The following ESR2 variants were observed in gnomAD, a reference collection of about 807,000 sequenced individuals.
The protein encoded by ESR2 is estrogen receptor 2, also known as estrogen receptor beta.
In ESR2, 36 loss-of-function variants were observed where a neutral mutation model predicts 49.6. The ratio of observed to expected loss-of-function variants is 0.73; its 90% CI spans 0.56 to 0.96. ESR2 has a LOEUF of 0.96. Ranked by LOEUF, ESR2 falls within the 40% of genes least tolerant of loss-of-function variation. ESR2 has a pLI of 0.00. For synonymous variants in ESR2, 320 were observed against 266.1 expected (o/e 1.20, Z -1.97); for missense variants, 714 against 693.0 (o/e 1.03, Z -0.34).
At position 64,229,265 on chromosome 14, in the gene ESR2, G is replaced by A. The variant is rs199734914; in HGVS notation, c.*3872C>T. Among the ~76,000 whole-genome samples, 4 of 152,202 alleles carry A rather than the reference G, an allele frequency of 2.6e-5. No homozygotes were observed. Among genetic ancestry groups the A allele is most frequent in the East Asian group, 1.9e-4 (1 of 5,172 alleles). ...CTTCACCGCCCCTCCATTCTGCTGC[G>A]ACTCAGCTCACAAAGCAGATTCTCA... On this transcript the variant is annotated 3_prime_UTR_variant, in exon 9 of 9. Transcript: ENST00000341099.
At chr14:64,279,592 C>G (rs1282098240) in intron 3 of ESR2, among the ~76,000 whole-genome samples, 1 of 152,194 alleles carries the variant, frequency 6.6e-6, no homozygotes, top group Admixed American at 6.5e-5. Context: ...TCCTCAGGAG[C>G]CAGCCCACCA....
chr14:64,253,872 G>A (rs543416727), intron 6 of ESR2, among the ~76,000 whole-genome samples: 1 of 152,218 alleles, frequency 6.6e-6, no homozygotes. Context: ...AACTTCCTCT[G>A]ACTAATAATT....
intron 1 of ESR2, among the ~76,000 whole-genome samples, chr14:64,328,709 G>A (rs2077418789): frequency 6.6e-6 from 1 of 152,202 alleles, no homozygotes; most frequent in African/African-American, 2.4e-5. Flanking sequence ...TTTTGGATGA[G>A]GGCCTCAGGA....
Position 64,260,617 on chromosome 14 carries a change from C to T in ESR2, c.784G>A (p.Ala262Thr). The change falls in exon 5 of 9, where the codon GCC becomes ACC. Residue 262 changes from alanine (A) to threonine (T), a missense_variant. Ala to Thr is a moderately conservative substitution (Grantham distance 58). Transcript: ENST00000341099. ...AGCACTAGCTGCTCGGGGCTCAGGG[C>T]GTCCAGCAGCAGCTCCCGCACTCGG... ...APRVRELLLD[A>T]LSPEQLVLTL... is the part of the protein sequence containing the mutation. The T allele has an allele frequency of 6.2e-7, 1 of 1,610,546 alleles. No homozygotes were observed. The highest frequency in any genetic ancestry group is 8.5e-7 in the Non-Finnish European group (1 of 1,178,122).
At chr14:64,311,895 G>A (rs1214773288) in intron 1 of ESR2, among the ~76,000 whole-genome samples, 6 of 152,022 alleles carry the variant, frequency 3.9e-5, no homozygotes, top group Admixed American at 6.6e-5. Flanking sequence ...TAAAAATGAA[G>A]GAATCTTGGA....
chr14:64,227,934 A>G (rs775564007), downstream of ESR2: 1 of 1,596,960 alleles, frequency 6.3e-7, no homozygotes, highest in Non-Finnish European at 8.5e-7. Context: ...CCCCATCTGT[A>G]AAGGATATAA....
At chr14:64,268,571 A>G (rs1044811411) in intron 4 of ESR2, among the ~76,000 whole-genome samples, 2 of 152,178 alleles carry the variant, frequency 1.3e-5, no homozygotes, top group East Asian at 1.9e-4. Flanking sequence ...GCTCTTCTCT[A>G]CCTGGGGCCA....
intron 7 of ESR2, among the ~76,000 whole-genome samples, chr14:64,242,444 CA>C (rs146972114): frequency 0.096 from 11,693 of 121,424 alleles, 537 homozygotes; most frequent in African/African-American, 0.14. Context: ...AACAAACAAA[CA>C]AAAAAAATAT....
intron 5 of ESR2, 103 bp downstream of exon 5, chr14:64,260,346 C>T: frequency 7.0e-6 from 8 of 1,139,794 alleles, no homozygotes; most frequent in Non-Finnish European, 1.1e-5. Flanking sequence ...TGTTAAATAT[C>T]TAGGCACAGC....
In ESR2 at chr14:64,289,037, A is replaced by G. The variant is rs148197980; in HGVS notation, c.-91+4996T>C. ...GCCACCATCAAGCCTGTTCTTATGTATATTCTATCAATGGATAGAGCAGAA... is the reference window on the plus strand; with the variant it reads ...GCCACCATCAAGCCTGTTCTTATGTGTATTCTATCAATGGATAGAGCAGAA... On this transcript the variant is annotated intron_variant, in intron 1 of 8. Transcript: ENST00000341099. Among the ~76,000 whole-genome samples, 347 of 151,618 alleles carry G rather than the reference A, an allele frequency of 2.3e-3. 5 individuals carry two copies. The highest frequency in any genetic ancestry group is 3.4e-3 in the Middle Eastern group (1 of 290).
chr14:64,236,543 C>CAG (rs996066111), intron 7 of ESR2, among the ~76,000 whole-genome samples: 37 of 152,262 alleles, frequency 2.4e-4, no homozygotes, highest in African/African-American at 8.2e-4. Context: ...GTGCAGCTAT[C>CAG]AGAGGTACCA....
intron 1 of ESR2, among the ~76,000 whole-genome samples, chr14:64,314,412 T>A: frequency 1.5e-5 from 2 of 131,310 alleles, no homozygotes; most frequent in African/African-American, 5.8e-5. Flanking sequence ...AGAGGGAAGA[T>A]CTCAAATTAA....
At chr14:64,227,352 T>A (rs1015888488), downstream of ESR2, 6 of 674,414 alleles carry the variant, frequency 8.9e-6, no homozygotes, top group Admixed American at 1.8e-4. Flanking sequence ...GCGTTTACAG[T>A]TATCAAATTG....
chr14:64,280,075 G>T lies in ESR2; in HGVS notation c.441C>A (p.His147Gln). The change falls in exon 3 of 9, where the codon CAC (histidine) becomes CAA (glutamine). Residue 147 changes from histidine (H) to glutamine (Q), a missense_variant. Coordinates refer to ENST00000341099, the MANE Select transcript of ESR2 (RefSeq NM_001437.3). The stretch of plus-strand genomic sequence containing the variant: ...CGTAATCGCTGCAGACAGCGCAGAA[G>T]TGAGCATCCCTCTTTGAACCTGGAC... ...VTGPGSKRDAHFCAVCSDYAS... is the reference protein window; with the variant it reads ...VTGPGSKRDAQFCAVCSDYAS... The T allele has an allele frequency of 6.2e-7, 1 of 1,614,136 alleles. No homozygotes were observed. Among genetic ancestry groups the T allele is most frequent in the Non-Finnish European group, 8.5e-7 (1 of 1,179,948 alleles).
intron 7 of ESR2, among the ~76,000 whole-genome samples, chr14:64,242,405 C>CA (rs34136916): frequency 0.021 from 2,708 of 126,158 alleles, 31 homozygotes; most frequent in Middle Eastern, 0.054. Flanking sequence ...GAGACTGTCT[C>CA]AAAAAAAAAA....
Position 64,228,435 on chromosome 14 carries a change from G to C in ESR2, c.*4702C>G, listed in dbSNP as rs2098724386. 6.6e-6 allele frequency among the ~76,000 whole-genome samples: 1 copy of C among 152,200 alleles called. No homozygotes were observed. Among genetic ancestry groups the C allele is most frequent in the Non-Finnish European group, 1.5e-5 (1 of 68,044 alleles). ...CACTCCCTGGAGGAAGGGAAAGCAGGTCTCAAAATCTGCTTTCACAGAGCA... is the reference window on the plus strand; with the variant it reads ...CACTCCCTGGAGGAAGGGAAAGCAGCTCTCAAAATCTGCTTTCACAGAGCA... On this transcript the variant is annotated 3_prime_UTR_variant, in exon 9 of 9. Transcript: ENST00000341099.
rs1036793235 is a variant in ESR2, at chr14:64,260,821, T to C, written c.653-73A>G. The C allele has an allele frequency of 1.1e-5, 15 of 1,357,390 alleles. No individual in the cohort carries two copies. The African/African-American group carries it at 2.1e-4, about 19-fold the overall frequency. The allele number at this position is 1,357,390 out of a possible 1,614,324, so 84.1% of individuals were successfully genotyped here. On this transcript the variant is annotated intron_variant, in intron 4 of 8. Coordinates refer to ENST00000341099, the MANE Select transcript of ESR2 (RefSeq NM_001437.3). ...TCAAGCAAAAGCAGCTTGACTTTTA[T>C]TTTCTGGAGCCTGTGGGGCACGTAC...
At chr14:64,302,225 C>CACA (rs2077031332) in intron 1 of ESR2, among the ~76,000 whole-genome samples, 1 of 151,030 alleles carries the variant, frequency 6.6e-6, no homozygotes, top group African/African-American at 2.4e-5. Flanking sequence ...CTCGCTCTGT[C>CACA]GCCCAGGCTG....
At chr14:64,234,776 TACC>T (rs2098730810) in intron 8 of ESR2, 191 bp downstream of exon 8, 1 of 1,255,112 alleles carries the variant, frequency 8.0e-7, no homozygotes, top group Non-Finnish European at 1.1e-6. Flanking sequence ...GCCTGTAAGA[TACC>T]ACATGACATT....
Sources: allele counts gnomAD v4.1 joint callset (sites outside exome capture counted in the v4.1 genomes callset), GRCh38; gene constraint gnomAD v4.1.1; transcripts MANE v1.5; gene names NCBI Gene and HGNC (gene_info 2026-07-23, HGNC 2026-07-21).